Variants in BLTP1 observed in about 807,000 individuals in gnomAD.
BLTP1 encodes the protein fragile site-associated protein.
chr4:122,262,186 GTA>G, the BLTP1 span, among the ~76,000 whole-genome samples: 18 of 150,096 alleles, frequency 1.2e-4, no homozygotes, highest in East Asian at 2.0e-3. Flanking sequence ...GTGTGTGTGT[GTA>G]TAGTAAGTTT....
At chr4:122,242,473 G>T in the BLTP1 span, among the ~76,000 whole-genome samples, 5,470 of 152,088 alleles carry the variant, frequency 0.036, 345 homozygotes, top group African/African-American at 0.12. Context: ...TGGGTAGTTG[G>T]GGGGAAAAAA....
the BLTP1 span, chr4:122,264,279 C>T: frequency 6.2e-7 from 1 of 1,607,100 alleles, no homozygotes; most frequent in East Asian, 2.2e-5. Context: ...CCAACAATAC[C>T]CTCAGCCTCA....
chr4:122,178,479 C>T, the BLTP1 span, among the ~76,000 whole-genome samples: 53 of 152,270 alleles, frequency 3.5e-4, no homozygotes, highest in Middle Eastern at 3.4e-3. Context: ...CTCTCAAATC[C>T]GTCTCTAACT....
chr4:122,193,506 CATTTT>C, the BLTP1 span: 2 of 290,192 alleles, frequency 6.9e-6, no homozygotes, highest in Non-Finnish European at 1.0e-5. Context: ...TTTATAATGT[CATTTT>C]ATTTTAAAGT....
At chr4:122,288,031 G>A in the BLTP1 span, among the ~76,000 whole-genome samples, 1 of 152,054 alleles carries the variant, frequency 6.6e-6, no homozygotes, top group East Asian at 1.9e-4. Flanking sequence ...AGTAAAAAAT[G>A]TATTTAATTT....
chr4:122,168,009 A>G, the BLTP1 span: 17 of 537,214 alleles, frequency 3.2e-5, no homozygotes, highest in Middle Eastern at 9.0e-4. Flanking sequence ...TTTTGTTTGG[A>G]TTCTGTGTCT....
the BLTP1 span, chr4:122,164,374 A>C: frequency 1.0e-5 from 10 of 982,844 alleles, no homozygotes; most frequent in South Asian, 9.4e-5. Context: ...AACAAACAGT[A>C]TGTGAGTGCC....
At chr4:122,257,738 A>G in the BLTP1 span, among the ~76,000 whole-genome samples, 4 of 152,206 alleles carry the variant, frequency 2.6e-5, no homozygotes, top group Non-Finnish European at 5.9e-5. Flanking sequence ...TAATTTTAAT[A>G]ATTCATGTCC....
At chr4:122,189,916 C>T in the BLTP1 span, 1 of 1,497,888 alleles carries the variant, frequency 6.7e-7, no homozygotes, top group African/African-American at 1.4e-5. Context: ...TTTCTTTTCA[C>T]CTATTGCCAG....
chr4:122,168,152 T>G, the BLTP1 span, among the ~76,000 whole-genome samples: 2 of 152,234 alleles, frequency 1.3e-5, no homozygotes, highest in Non-Finnish European at 2.9e-5. Flanking sequence ...TTGATTTCTC[T>G]TAAAGGCTTT....
At chr4:122,235,359 G>T in the BLTP1 span, 1 of 984,554 alleles carries the variant, frequency 1.0e-6, no homozygotes, top group Non-Finnish European at 1.2e-6. Flanking sequence ...GTGCTTCAAG[G>T]TAACAATTGT....
the BLTP1 span, chr4:122,343,363 C>CT: frequency 1.2e-6 from 2 of 1,602,806 alleles, no homozygotes; most frequent in African/African-American, 1.3e-5. Flanking sequence ...ATTGACTGGC[C>CT]TTTTTTTCTT....
chr4:122,188,889 G>T, the BLTP1 span: 1 of 929,354 alleles, frequency 1.1e-6, no homozygotes, highest in Non-Finnish European at 1.3e-6. Flanking sequence ...TGTAACTCTT[G>T]GCTGGCCTGG....
At chr4:122,200,471 T>C in the BLTP1 span, 1 of 657,564 alleles carries the variant, frequency 1.5e-6, no homozygotes, top group Non-Finnish European at 1.9e-6. Context: ...TCCCAGCTAC[T>C]CTGGAGGCTG....
At chr4:122,344,342 A>G in the BLTP1 span, 1 of 1,603,412 alleles carries the variant, frequency 6.2e-7, no homozygotes, top group African/African-American at 1.3e-5. Context: ...ATATATGTAT[A>G]TATAGATGTG....
the BLTP1 span, chr4:122,263,596 C>T: frequency 4.4e-6 from 7 of 1,593,846 alleles, no homozygotes; most frequent in Non-Finnish European, 6.0e-6. Context: ...ATAGTCTTCC[C>T]ACAGGTATTG....
At chr4:122,339,316 T>C in the BLTP1 span, 10 of 1,613,588 alleles carry the variant, frequency 6.2e-6, no homozygotes, top group Admixed American at 1.3e-4. Flanking sequence ...CTGGAGACTT[T>C]AGGGACTACA....
the BLTP1 span, among the ~76,000 whole-genome samples, chr4:122,166,609 G>A: frequency 0.064 from 9,748 of 152,074 alleles, 889 homozygotes; most frequent in African/African-American, 0.2. Context: ...AATTCTGTGA[G>A]GAAAGTCATT....
At chr4:122,240,411 A>G in the BLTP1 span, 1 of 1,448,748 alleles carries the variant, frequency 6.9e-7, no homozygotes, top group South Asian at 1.3e-5. Context: ...CAGATTTTTA[A>G]GAAGTTATTT....
Sources: allele counts gnomAD v4.1 joint callset (sites outside exome capture counted in the v4.1 genomes callset), GRCh38; gene constraint gnomAD v4.1.1; transcripts MANE v1.5; gene names NCBI Gene and HGNC (gene_info 2026-07-23, HGNC 2026-07-21).